LAMA2: variants seen among roughly 807,000 people sequenced by gnomAD.
LAMA2 encodes the protein laminin subunit alpha-2.
LAMA2 carries 269 observed loss-of-function variants against 364.8 expected under a neutral mutation model. The ratio of observed to expected loss-of-function variants is 0.74; its 90% CI spans 0.67 to 0.82. The LOEUF (loss-of-function observed/expected upper bound fraction) is 0.82, where lower values mean the gene tolerates loss of function less well. Among genes scored for constraint, LAMA2 ranks in the 40% least tolerant of loss-of-function variants. The pLI is 0.00. For synonymous variants in LAMA2, 1,379 were observed against 1,370.6 expected, an observed-to-expected ratio of 1.01 and a Z score of -0.14; for missense variants, 3,807 against 3,873.2, an observed-to-expected ratio of 0.98 and a Z score of 0.45.
intron 46 of LAMA2, 38 bp downstream of exon 46, chr6:129,453,169 T>A (rs776016167): frequency 6.4e-7 from 1 of 1,569,196 alleles, no homozygotes; most frequent in Non-Finnish European, 8.8e-7. Context: ...GGCTGCTGTA[T>A]GTGTATAGCT....
chr6:128,978,258 G>A (rs1481638540), intron 1 of LAMA2, among the ~76,000 whole-genome samples: 1 of 151,972 alleles, frequency 6.6e-6, no homozygotes, highest in Non-Finnish European at 1.5e-5. Flanking sequence ...TTAAGGCTGT[G>A]TAGGCCAAGA....
At position 129,187,736 on chromosome 6, in the gene LAMA2, C is replaced by G. The variant is rs144903993; in HGVS notation, c.1468-2469C>G. Reference sequence around the variant, plus strand: ...GGAATATTTGCAGAATACATACTGGCTGATCATTCCTAATCAGAAAATCCA... The same window carrying G: ...GGAATATTTGCAGAATACATACTGGGTGATCATTCCTAATCAGAAAATCCA... On this transcript the variant is annotated intron_variant, in intron 10 of 64. Transcript: ENST00000421865. Among the ~76,000 whole-genome samples, 1,330 of 151,882 alleles carry G rather than the reference C, an allele frequency of 8.8e-3. 17 individuals carry two copies. The highest frequency in any genetic ancestry group is 0.03 in the African/African-American group (1,261 of 41,484).
intron 1 of LAMA2, among the ~76,000 whole-genome samples, chr6:128,907,526 G>T (rs1777570475): frequency 6.6e-6 from 1 of 152,124 alleles, no homozygotes; most frequent in African/African-American, 2.4e-5. Flanking sequence ...AGCTTAAGGA[G>T]ATTTTGGACT....
chr6:128,924,365 CA>C (rs1435142688), intron 1 of LAMA2, among the ~76,000 whole-genome samples: 2 of 152,042 alleles, frequency 1.3e-5, no homozygotes, highest in Admixed American at 1.3e-4. Context: ...CCTATTTAAA[CA>C]TTTATTAGTG....
At chr6:129,031,238 A>G (rs9492203) in intron 1 of LAMA2, among the ~76,000 whole-genome samples, 3,756 of 152,346 alleles carry the variant, frequency 0.025, 143 homozygotes, top group African/African-American at 0.086. Flanking sequence ...AAAGCTGCAT[A>G]GAATTTGCTT....
chr6:129,315,259 C>G (rs1410507407), intron 24 of LAMA2, among the ~76,000 whole-genome samples: 1 of 152,182 alleles, frequency 6.6e-6, no homozygotes. Flanking sequence ...GTGTGAAAGG[C>G]TCCAGTGTCC....
Position 129,464,360 on chromosome 6 carries a change from A to G in LAMA2, c.7063A>G (p.Ile2355Val). ...GEGYALVSRP[I>V]RWYPNISTVM... is the part of the protein sequence containing the mutation. ...AGGTTATGCATTGGTCAGCCGTCCC[A>G]TTCGCTGGTACCCCAACATCTCCAC... is the stretch of plus-strand genomic sequence containing the variant. Residue 2355 changes from isoleucine to valine, a missense_variant, in exon 50 of 65, where the codon ATT (isoleucine) becomes GTT (valine). Around this residue, in one of 3 missense-constraint regions of LAMA2, gnomAD observed 3,333 missense variants for 3,345.7 expected, o/e 1.00. Transcript: ENST00000421865. The G allele has an allele frequency of 3.1e-6, 5 of 1,612,058 alleles. No individual in the cohort carries two copies. Among genetic ancestry groups the G allele is most frequent in the Non-Finnish European group, 4.2e-6 (5 of 1,178,494 alleles).
chr6:129,326,689 T>TTA (rs200334736), intron 28 of LAMA2, among the ~76,000 whole-genome samples: 4,761 of 145,772 alleles, frequency 0.033, 241 homozygotes, highest in African/African-American at 0.11. Context: ...CACAACAATT[T>TTA]TATATATATA....
At position 129,481,294 on chromosome 6, in the gene LAMA2, G is replaced by C. The variant is rs374210667; in HGVS notation, c.7604G>C (p.Gly2535Ala). Residue 2535 changes from glycine (G) to alanine (A), a missense_variant, in exon 55 of 65, where the codon GGT (glycine) becomes GCT (alanine). Physicochemically the swap from Gly to Ala is moderately conservative, Grantham distance 60 (BLOSUM62 0). Around this residue, in one of 3 missense-constraint regions of LAMA2, gnomAD observed 3,333 missense variants for 3,345.7 expected, o/e 1.00. Coordinates refer to ENST00000421865, the MANE Select transcript of LAMA2 (RefSeq NM_000426.4). ...TACACAGTTAGCTTTCCTAAGCCTG[G>C]TTTTGTGGAGCTCTCCCCTGTGCCA... ...NVYTVSFPKPGFVELSPVPID... is the reference protein window; with the variant it reads ...NVYTVSFPKPAFVELSPVPID... The C allele has an allele frequency of 1.2e-6, 2 of 1,613,600 alleles. No homozygotes were observed. The highest frequency in any genetic ancestry group is 1.7e-5 in the Admixed American group (1 of 59,952).
rs113909298 is a variant in LAMA2, at chr6:129,417,980, G to A, written c.5866-9772G>A. 1.5e-3 allele frequency among the ~76,000 whole-genome samples: 222 copies of A among 152,212 alleles called. 5 individuals are homozygous for A. Among genetic ancestry groups the A allele is most frequent in the African/African-American group, 5.2e-3 (215 of 41,508 alleles). ...TGGGTCCACAGCTGGCTGGGTGGCT[G>A]CAGCTGCACCCAGTAGGGCAGGGTT... On this transcript the variant is annotated intron_variant, in intron 40 of 64. Coordinates refer to ENST00000421865, the MANE Select transcript of LAMA2 (RefSeq NM_000426.4).
At chr6:129,233,334 C>T (rs1039267108) in intron 12 of LAMA2, among the ~76,000 whole-genome samples, 1 of 152,140 alleles carries the variant, frequency 6.6e-6, no homozygotes, top group Non-Finnish European at 1.5e-5. Context: ...CTGACCTCTA[C>T]ACAGTTGAAA....
At chr6:128,967,869 A>G (rs1781941882) in intron 1 of LAMA2, among the ~76,000 whole-genome samples, 1 of 151,914 alleles carries the variant, frequency 6.6e-6, no homozygotes, top group South Asian at 2.1e-4. Flanking sequence ...TATCTATTAC[A>G]CCTCAGATTA....
chr6:129,010,194 G>A (rs1225133739), intron 1 of LAMA2, among the ~76,000 whole-genome samples: 2 of 152,156 alleles, frequency 1.3e-5, no homozygotes, highest in East Asian at 3.9e-4. Context: ...GAACCAGAAT[G>A]ATCCTGCATA....
At chr6:129,406,291 T>C (rs9388704) in intron 40 of LAMA2, among the ~76,000 whole-genome samples, 75,799 of 151,506 alleles carry the variant, frequency 0.5, 19,391 homozygotes, top group African/African-American at 0.62. Context: ...AGAAAGCTAA[T>C]ACGATTTGTT....
chr6:129,082,053 CA>C (rs764675272), intron 3 of LAMA2, among the ~76,000 whole-genome samples: 4 of 151,966 alleles, frequency 2.6e-5, no homozygotes, highest in Non-Finnish European at 4.4e-5. Flanking sequence ...AAACATTTTA[CA>C]GTTGGAATGA....
rs759973830 is a variant in LAMA2, at chr6:129,280,087, G to A, written c.2477G>A (p.Arg826Gln). Reference sequence around the variant, plus strand: ...TTTAGCCCAACGTGCCATTTAGACCGGAGTCTTGGATTGATCTGTGATGGA... The same window carrying A: ...TTTAGCCCAACGTGCCATTTAGACCAGAGTCTTGGATTGATCTGTGATGGA... ...NNFSPTCHLD[R>Q]SLGLICDGCP... Residue 826 changes from arginine to glutamine, a missense_variant, in exon 18 of 65, where the codon CGG becomes CAG. By Grantham distance (43) the Arg-to-Gln change is conservative. Transcript: ENST00000421865. 74 of 1,613,132 alleles carry A rather than the reference G, an allele frequency of 4.6e-5. No homozygotes were observed. The highest frequency in any genetic ancestry group is 3.6e-5 in the Non-Finnish European group (43 of 1,179,398).
chr6:129,224,307 T>C (rs1378492595), intron 12 of LAMA2, among the ~76,000 whole-genome samples: 1 of 152,234 alleles, frequency 6.6e-6, no homozygotes, highest in Admixed American at 6.5e-5. Flanking sequence ...ACAATTTGAC[T>C]ACCTCTTTTC....
chr6:129,162,713 C>G (rs1002873672), intron 8 of LAMA2, among the ~76,000 whole-genome samples: 1 of 151,884 alleles, frequency 6.6e-6, no homozygotes, highest in Non-Finnish European at 1.5e-5. Context: ...TAGATGATTT[C>G]AAAAATTTTT....
chr6:129,172,881 G>GT (rs1375562896), intron 9 of LAMA2, among the ~76,000 whole-genome samples: 3 of 152,210 alleles, frequency 2.0e-5, no homozygotes, highest in African/African-American at 7.2e-5. Flanking sequence ...ATGGTTCACC[G>GT]TTTTTTAAGC....
Sources: gnomAD v4.1 joint callset for allele counts (sites outside exome capture counted in the v4.1 genomes callset) on GRCh38, gnomAD v4.1.1 for gene constraint, gnomAD v4.1.1 regional missense constraint, MANE v1.5 for transcripts, NCBI Gene and HGNC (gene_info 2026-07-23, HGNC 2026-07-21) for gene names.